MEIS2: variants seen among roughly 807,000 people sequenced by gnomAD.
MEIS2 encodes Meis homeobox 2.
MEIS2 carries 9 observed loss-of-function variants against 58.6 expected under a neutral mutation model. The ratio of observed to expected loss-of-function variants is 0.15; its 90% CI spans 0.09 to 0.27. MEIS2 has a LOEUF of 0.27. Among genes scored for constraint, MEIS2 ranks in the 10% least tolerant of loss-of-function variants. The pLI is 1.00. For synonymous variants in MEIS2, 221 were observed against 228.4 expected (o/e 0.97, Z 0.29); for missense variants, 427 against 635.0 (o/e 0.67, Z 3.52).
At chr15:37,021,987 A>G (rs2061540926) in intron 8 of MEIS2, among the ~76,000 whole-genome samples, 1 of 152,152 alleles carries the variant, frequency 6.6e-6, no homozygotes. Flanking sequence ...GTAGTCCATA[A>G]CGCTCCATAA....
intron 8 of MEIS2, among the ~76,000 whole-genome samples, chr15:36,997,027 C>G (rs2060547388): frequency 6.6e-6 from 1 of 152,178 alleles, no homozygotes; most frequent in South Asian, 2.1e-4. Context: ...TGAATTCAAA[C>G]AGCCTCTGAA....
At chr15:37,059,437 T>C (rs1596038458) in intron 7 of MEIS2, among the ~76,000 whole-genome samples, 1 of 152,200 alleles carries the variant, frequency 6.6e-6, no homozygotes, top group Non-Finnish European at 1.5e-5. Context: ...TTTCAAATTA[T>C]TTGGCCTAGT....
chr15:36,979,696 T>A (rs2059869447), intron 8 of MEIS2, among the ~76,000 whole-genome samples: 1 of 147,304 alleles, frequency 6.8e-6, no homozygotes, highest in Admixed American at 6.8e-5. Context: ...ATATAATATA[T>A]AAAAATATAT....
intron 8 of MEIS2, among the ~76,000 whole-genome samples, chr15:36,971,804 T>A (rs1595842547): frequency 2.6e-5 from 4 of 152,166 alleles, no homozygotes; most frequent in Non-Finnish European, 5.9e-5. Context: ...TCAGAGACTT[T>A]ACATTCTTCA....
At chr15:36,958,289 G>A (rs918226681) in intron 8 of MEIS2, among the ~76,000 whole-genome samples, 9 of 151,902 alleles carry the variant, frequency 5.9e-5, no homozygotes, top group African/African-American at 2.2e-4. Flanking sequence ...TGAGCCTGAT[G>A]GATTATCATC....
intron 9 of MEIS2, among the ~76,000 whole-genome samples, chr15:36,946,589 T>G (rs2058574645): frequency 6.6e-6 from 1 of 152,014 alleles, no homozygotes; most frequent in Non-Finnish European, 1.5e-5. Context: ...TAATGTCTTC[T>G]TTATATCATT....
At chr15:37,064,156 C>T (rs1192283608) in intron 7 of MEIS2, among the ~76,000 whole-genome samples, 1 of 152,002 alleles carries the variant, frequency 6.6e-6, no homozygotes, top group African/African-American at 2.4e-5. Context: ...TATTTTAAAA[C>T]TTAAGATATC....
intron 9 of MEIS2, chr15:36,898,372 C>T (rs555066027): frequency 1.1e-4 from 16 of 152,354 alleles, no homozygotes; most frequent in African/African-American, 3.6e-4. Flanking sequence ...ACCTTGAAAC[C>T]AGCAGAGATG....
At chr15:36,938,756 C>T (rs2058267955) in intron 9 of MEIS2, among the ~76,000 whole-genome samples, 1 of 152,094 alleles carries the variant, frequency 6.6e-6, no homozygotes, top group African/African-American at 2.4e-5. Context: ...ATAGAAAGGA[C>T]CTTAAAAATC....
chr15:37,052,121 T>C (rs1366936227), intron 7 of MEIS2, among the ~76,000 whole-genome samples: 1 of 152,168 alleles, frequency 6.6e-6, no homozygotes, highest in Non-Finnish European at 1.5e-5. Context: ...CTTAGACAAT[T>C]TCAGAGGAAA....
intron 8 of MEIS2, among the ~76,000 whole-genome samples, chr15:37,000,334 G>A (rs904248714): frequency 6.6e-6 from 1 of 151,974 alleles, no homozygotes; most frequent in African/African-American, 2.4e-5. Flanking sequence ...TAGAAAATAA[G>A]GTCTTTACAT....
chr15:36,895,355 G>T, intron 10 of MEIS2, 94 bp from the exon 11 acceptor site: 1 of 1,071,264 alleles, frequency 9.3e-7, no homozygotes, highest in Non-Finnish European at 1.4e-6. Flanking sequence ...AAACGTTATA[G>T]CAACAATGTG....
intron 10 of MEIS2, among the ~76,000 whole-genome samples, chr15:36,896,101 G>T (rs1272497418): frequency 1.3e-5 from 2 of 152,228 alleles, no homozygotes; most frequent in East Asian, 3.8e-4. Flanking sequence ...AAGCTCACAT[G>T]TATTTTAGCA....
chr15:37,059,926 C>CA (rs34012549), intron 7 of MEIS2, among the ~76,000 whole-genome samples: 5 of 150,716 alleles, frequency 3.3e-5, no homozygotes, highest in African/African-American at 1.2e-4. Flanking sequence ...GAGTCTGTCT[C>CA]AAAAAAAAAA....
chr15:36,975,721 C>T (rs2059724719), intron 8 of MEIS2, among the ~76,000 whole-genome samples: 1 of 152,106 alleles, frequency 6.6e-6, no homozygotes, highest in Non-Finnish European at 1.5e-5. Flanking sequence ...CAGCCACTCC[C>T]AGGGTGAGTC....
intron 8 of MEIS2, among the ~76,000 whole-genome samples, chr15:37,028,521 A>C (rs1050061208): frequency 6.6e-6 from 1 of 152,220 alleles, no homozygotes; most frequent in Non-Finnish European, 1.5e-5. Flanking sequence ...TCTAGGATCC[A>C]ACACGACATT....
At chr15:37,020,754 G>GA (rs199835205) in intron 8 of MEIS2, among the ~76,000 whole-genome samples, 56 of 146,836 alleles carry the variant, frequency 3.8e-4, no homozygotes, top group Middle Eastern at 7.0e-3. Context: ...TGTTATGGGG[G>GA]AAAAAAAAAC....
intron 7 of MEIS2, among the ~76,000 whole-genome samples, chr15:37,068,800 T>C (rs968746751): frequency 6.6e-6 from 1 of 152,200 alleles, no homozygotes; most frequent in Non-Finnish European, 1.5e-5. Flanking sequence ...GCTTCAGAGA[T>C]TACTGTCTCT....
chr15:36,976,325 T>C (rs781446467), intron 8 of MEIS2, among the ~76,000 whole-genome samples: 16 of 151,974 alleles, frequency 1.1e-4, no homozygotes, highest in South Asian at 4.2e-4. Context: ...ACCTTGTGAT[T>C]CACCCGCCTT....
Sources: allele counts gnomAD v4.1 joint callset (sites outside exome capture counted in the v4.1 genomes callset), GRCh38; gene constraint gnomAD v4.1.1; transcripts MANE v1.5; gene names NCBI Gene and HGNC (gene_info 2026-07-23, HGNC 2026-07-21).